The following KIAA0408 variants were observed in gnomAD, a reference collection of about 807,000 sequenced individuals.
The protein encoded by KIAA0408 is KIAA0408.
In KIAA0408, 51 loss-of-function variants were observed where a neutral mutation model predicts 60.9. The observed-to-expected ratio is 0.84, with a 90% CI of 0.67 to 1.06. The LOEUF (loss-of-function observed/expected upper bound fraction) is 1.06. Ranked by LOEUF, KIAA0408 falls within the 50% of genes least tolerant of loss-of-function variation. KIAA0408 has a pLI of 0.00. For missense variants in KIAA0408, 787 were observed against 833.9 expected (o/e 0.94, Z 0.69); for synonymous variants, 304 against 282.4 (o/e 1.08, Z -0.77).
rs775011213 is a variant in KIAA0408 at position 127,450,028 on chromosome 6, CAG to C, written c.458_459del (p.Ser153Ter). ...CCAGAACAGCTCTTGCTGTCTTCCT[CAG>C]AAGTCCTCAGGTCAGGCCAGGCCTC... is the stretch of plus-strand genomic sequence containing the variant. ...ECEAWPDLRT[S>X]EEDSKSCSGA... On this transcript the variant is annotated frameshift_variant, in exon 3 of 6. Coordinates refer to ENST00000483725, the MANE Select transcript of KIAA0408 (RefSeq NM_014702.5). LOFTEE classifies it high-confidence loss of function. The C allele has an allele frequency of 6.2e-7, 1 of 1,613,972 alleles. No homozygotes were observed. Among genetic ancestry groups the C allele is most frequent in the South Asian group, 1.1e-5 (1 of 91,078 alleles).
intron 1 of KIAA0408, among the ~76,000 whole-genome samples, chr6:127,455,220 GA>G (rs1297717975): frequency 1.3e-5 from 2 of 152,066 alleles, no homozygotes; most frequent in Non-Finnish European, 2.9e-5. Context: ...ATGCCTATAA[GA>G]TGTCTAACTC....
At chr6:127,444,430 T>C in intron 5 of KIAA0408, 148 bp from the exon 6 acceptor site, 1 of 610,970 alleles carries the variant, frequency 1.6e-6, no homozygotes, top group Non-Finnish European at 2.6e-6. Context: ...TTGTCTAATA[T>C]TTGTGGTTTT....
At chr6:127,454,281 G>T in intron 1 of KIAA0408, 180 bp from the exon 2 acceptor site, 1 of 492,638 alleles carries the variant, frequency 2.0e-6, no homozygotes, top group Non-Finnish European at 2.7e-6. Context: ...AATAAGTATT[G>T]TCCAAAGTTT....
intron 1 of KIAA0408, among the ~76,000 whole-genome samples, chr6:127,458,250 A>C (rs1773429105): frequency 6.6e-6 from 1 of 152,200 alleles, no homozygotes; most frequent in Non-Finnish European, 1.5e-5. Context: ...GAATTATTTC[A>C]ATGAATTAAT....
chr6:127,451,363 A>T (rs1281633482), intron 2 of KIAA0408: 3 of 453,264 alleles, frequency 6.6e-6, no homozygotes, highest in Admixed American at 4.7e-5. Context: ...TTACAAATGT[A>T]TTAGTATTTA....
rs1368240791 is a variant in KIAA0408, at chr6:127,439,519, A to G, written c.*4590T>C. 6.6e-6 allele frequency: 1 copy of G among 152,342 alleles called. No homozygotes were observed. The highest frequency in any genetic ancestry group is 1.9e-4 in the East Asian group (1 of 5,182). The allele number at this position is 152,342 out of a possible 1,614,324, so 9.4% of individuals were successfully genotyped here. A position where few individuals can be genotyped will look rare whatever the true frequency, so the allele number is the denominator to read the frequency against. On this transcript the variant is annotated 3_prime_UTR_variant, in exon 6 of 6. Coordinates refer to ENST00000483725, the MANE Select transcript of KIAA0408 (RefSeq NM_014702.5). ...GTGATGACTTTTGATGATCATTGAA[A>G]GAGGGAATCAACAGAAACTCCCAAT... is the stretch of plus-strand genomic sequence containing the variant.
At chr6:127,447,769 G>C (rs746917674) in intron 4 of KIAA0408, 29 bp from the exon 5 acceptor site, 1 of 1,481,950 alleles carries the variant, frequency 6.7e-7, no homozygotes, top group Non-Finnish European at 8.9e-7. Flanking sequence ...TGGTGTATTG[G>C]TTATAACTTT....
intron 1 of KIAA0408, among the ~76,000 whole-genome samples, chr6:127,456,754 A>C (rs1484532545): frequency 6.7e-6 from 1 of 148,362 alleles, no homozygotes; most frequent in African/African-American, 2.5e-5. Context: ...GCAGCCAAAC[A>C]TATTGCTTCC....
intron 2 of KIAA0408, chr6:127,451,181 CT>C (rs1364347425): frequency 2.5e-6 from 1 of 398,756 alleles, no homozygotes; most frequent in African/African-American, 2.1e-5. Flanking sequence ...TGTCAGATGA[CT>C]ATCAAAGCAA....
At position 127,457,051 on chromosome 6, in the gene KIAA0408, A is replaced by G. The variant is rs375956646; in HGVS notation, c.-121+2124T>C. Among the ~76,000 whole-genome samples, 18 of 152,258 alleles carry G rather than the reference A, an allele frequency of 1.2e-4. No individual in the cohort carries two copies. In the East Asian group the frequency reaches 3.3e-3, roughly 28 times the overall value. ...TTTGGTCTTTATTTTAAAACGAGAT[A>G]GAAGCAAGTGTAATTGTGTGAACTC... On this transcript the variant is annotated intron_variant, in intron 1 of 5. Transcript: ENST00000483725.
rs1388655428 is a variant in KIAA0408 at position 127,459,348 on chromosome 6, A to T, written c.-294T>A. ...ACCATTCCACAGAGCAGTACTGACA[A>T]GTCCCTTTGAAACCTTCACCACTTT... On this transcript the variant is annotated 5_prime_UTR_variant, in exon 1 of 6. In the 5' UTR this introduces an upstream ATG that the reference lacks. Coordinates refer to ENST00000483725, the MANE Select transcript of KIAA0408 (RefSeq NM_014702.5). 1 of 152,216 alleles carries T rather than the reference A, an allele frequency of 6.6e-6. No homozygotes were observed. The highest frequency in any genetic ancestry group is 1.5e-5 in the Non-Finnish European group (1 of 68,062). The allele number at this position is 152,216 out of a possible 1,614,324, so 9.4% of individuals were successfully genotyped here.
Position 127,450,219 on chromosome 6 carries a change from C to T in KIAA0408, c.269G>A (p.Ser90Asn), listed in dbSNP as rs570212497. The change falls in exon 3 of 6, where the codon AGT (serine) becomes AAT (asparagine). Residue 90 changes from serine to asparagine, a missense_variant. Physicochemically the swap from Ser to Asn is conservative, Grantham distance 46 (BLOSUM62 1). Transcript: ENST00000483725. ...TTTGTGATTCGTCCTTATAAATTCA[C>T]TTTGTCCTAAATCGGGGTAATTTGG... ...SSPNYPDLGQ[S>N]EFIRTNHKDG... The T allele has an allele frequency of 5.0e-6, 8 of 1,613,978 alleles. No homozygotes were observed. The African/African-American group carries it at 9.3e-5, about 19-fold the overall frequency.
chr6:127,453,920 A>C lies in KIAA0408; in HGVS notation c.62T>G (p.Leu21Ter). The change falls in exon 2 of 6, where the codon TTA becomes TGA. Residue 21 changes from leucine to a stop codon, truncating the protein, a stop_gained. Transcript: ENST00000483725. LOFTEE classifies it high-confidence loss of function. ...TCTTTCATTGTCAAACTGGTCCAGT[A>C]ATTCCATCTTTTCCTTATGCCAGTT... ...ETNWHKEKME[L>*]LDQFDNERKE... is the part of the protein sequence containing the mutation. 6.2e-7 allele frequency: 1 copy of C among 1,613,052 alleles called. No individual in the cohort carries two copies. The highest frequency in any genetic ancestry group is 1.7e-4 in the Middle Eastern group (1 of 6,056).
chr6:127,442,871 C>T lies in KIAA0408; in HGVS notation c.*1238G>A, dbSNP rs1367641300. 1.3e-5 allele frequency: 2 copies of T among 152,150 alleles called. No individual in the cohort carries two copies. The highest frequency in any genetic ancestry group is 4.8e-5 in the African/African-American group (2 of 41,436). The allele number at this position is 152,150 out of a possible 1,614,324, so 9.4% of individuals were successfully genotyped here. A position where few individuals can be genotyped will look rare whatever the true frequency, so the allele number is the denominator to read the frequency against. Reference sequence around the variant, plus strand: ...CCATTTAGAATTCCAAGCCCCTCGACATTCATATTTCTGTCAGTTTTCAAT... The same window carrying T: ...CCATTTAGAATTCCAAGCCCCTCGATATTCATATTTCTGTCAGTTTTCAAT... On this transcript the variant is annotated 3_prime_UTR_variant, in exon 6 of 6. Transcript: ENST00000483725.
rs1773126889 is a variant in KIAA0408, at chr6:127,442,804, T to A, written c.*1305A>T. The A allele has an allele frequency of 6.6e-6, 1 of 152,190 alleles. No individual in the cohort carries two copies. The highest frequency in any genetic ancestry group is 2.4e-5 in the African/African-American group (1 of 41,450). 9.4% of individuals were successfully genotyped at this position (152,190 alleles called of 1,614,324 possible). On this transcript the variant is annotated 3_prime_UTR_variant, in exon 6 of 6. Transcript: ENST00000483725. The stretch of plus-strand genomic sequence containing the variant: ...ATCTAATAACATAACATAATTGGTT[T>A]TATATAGTGACAGTAGAGAGCAAAG...
intron 4 of KIAA0408, among the ~76,000 whole-genome samples, chr6:127,448,348 G>C (rs973522956): frequency 1.3e-5 from 2 of 152,122 alleles, no homozygotes; most frequent in Non-Finnish European, 2.9e-5. Context: ...GCTACTCGAA[G>C]GAAAATGAGT....
chr6:127,458,691 C>G (rs145408033), intron 1 of KIAA0408, among the ~76,000 whole-genome samples: 1 of 152,196 alleles, frequency 6.6e-6, no homozygotes, highest in African/African-American at 2.4e-5. Context: ...TACAGAAACA[C>G]TAACTCTACA....
intron 5 of KIAA0408, among the ~76,000 whole-genome samples, chr6:127,445,535 A>G (rs1401472554): frequency 2.6e-5 from 4 of 152,228 alleles, no homozygotes; most frequent in Non-Finnish European, 5.9e-5. Flanking sequence ...CAACTTGCAT[A>G]ATAGTTTAAA....
chr6:127,446,745 T>G lies in KIAA0408; in HGVS notation c.1574A>C (p.Gln525Pro). ...KSTTGLVRQM[Q>P]GHLSPRSYRN... ...ATAACTGCGAGGACTTAGGTGTCCC[T>G]GCATTTGTCTTACTAGGCCTGTTGT... Residue 525 changes from glutamine (Q) to proline (P), a missense_variant, in exon 5 of 6, where the codon CAG becomes CCG. Coordinates refer to ENST00000483725, the MANE Select transcript of KIAA0408 (RefSeq NM_014702.5). The G allele has an allele frequency of 6.2e-7, 1 of 1,613,998 alleles. No individual in the cohort carries two copies. Among genetic ancestry groups the G allele is most frequent in the Non-Finnish European group, 8.5e-7 (1 of 1,179,990 alleles).
Sources: allele counts gnomAD v4.1 joint callset (sites outside exome capture counted in the v4.1 genomes callset), GRCh38; gene constraint gnomAD v4.1.1; transcripts MANE v1.5; gene names NCBI Gene and HGNC (gene_info 2026-07-23, HGNC 2026-07-21).